Variants in SPAST observed in about 807,000 individuals in gnomAD.
SPAST encodes spastic paraplegia 4 (autosomal dominant; spastin).
In SPAST, 30 loss-of-function variants were observed where a neutral mutation model predicts 76.6. That is an observed-to-expected ratio of 0.39 (90% confidence interval 0.29 to 0.53). SPAST has a LOEUF of 0.53. Among genes scored for constraint, SPAST ranks in the 20% least tolerant of loss-of-function variants. The pLI is 0.68. For missense variants in SPAST, 717 were observed against 770.5 expected (o/e 0.93, Z 0.82); for synonymous variants, 305 against 281.0 (o/e 1.09, Z -0.86).
intron 3 of SPAST, among the ~76,000 whole-genome samples, chr2:32,093,818 AAT>A (rs138621199): frequency 3.6e-4 from 54 of 149,314 alleles, no homozygotes; most frequent in East Asian, 2.3e-3. Flanking sequence ...CTATCTTAAA[AAT>A]ATATATATAT....
chr2:32,064,242 G>C lies in SPAST; in HGVS notation c.411G>C (p.Glu137Asp). The C allele has an allele frequency of 1.5e-6, 2 of 1,334,852 alleles. No homozygotes were observed. Among genetic ancestry groups the C allele is most frequent in the Non-Finnish European group, 2.0e-6 (2 of 1,009,426 alleles). 82.7% of individuals were successfully genotyped at this position (1,334,852 alleles called of 1,614,324 possible). A position where few individuals can be genotyped will look rare whatever the true frequency, so the allele number is the denominator to read the frequency against. The change falls in exon 1 of 17, where the codon GAG becomes GAC. Residue 137 changes from glutamate (E) to aspartate (D), a missense_variant. Coordinates refer to ENST00000315285, the MANE Select transcript of SPAST (RefSeq NM_014946.4). ...TTGCCCTGCGCATCGATGAGGATGA[G>C]AAAGGTAACTAGGGGGCTGGGGGAG... is the stretch of plus-strand genomic sequence containing the variant. The part of the protein sequence containing the change: ...ISIALRIDED[E>D]KAGQKEQAVE...
At chr2:32,118,278 A>G (rs181165882) in intron 7 of SPAST, among the ~76,000 whole-genome samples, 3 of 152,170 alleles carry the variant, frequency 2.0e-5, no homozygotes, top group African/African-American at 4.8e-5. Context: ...TATCACTTGT[A>G]AGTGAGTACC....
chr2:32,109,113 T>G (rs1424918460), intron 4 of SPAST, among the ~76,000 whole-genome samples: 1 of 150,470 alleles, frequency 6.6e-6, no homozygotes, highest in Non-Finnish European at 1.5e-5. Context: ...CCTCAGTAAA[T>G]TTTTATTTAG....
intron 1 of SPAST, among the ~76,000 whole-genome samples, chr2:32,076,821 C>T (rs955658973): frequency 1.1e-4 from 17 of 152,112 alleles, no homozygotes; most frequent in African/African-American, 3.9e-4. Context: ...TTCAGACTCT[C>T]AAGCAGCTGG....
At chr2:32,153,531 G>C (rs927885390) in intron 16 of SPAST, among the ~76,000 whole-genome samples, 2 of 151,822 alleles carry the variant, frequency 1.3e-5, no homozygotes, top group South Asian at 4.2e-4. Flanking sequence ...GGCCAGGCTG[G>C]TCTCGAACTG....
intron 4 of SPAST, among the ~76,000 whole-genome samples, chr2:32,104,960 G>C (rs923131069): frequency 2.6e-5 from 4 of 152,106 alleles, no homozygotes; most frequent in African/African-American, 9.7e-5. Flanking sequence ...TAGTATCTTT[G>C]TGGCATTCTC....
intron 1 of SPAST, among the ~76,000 whole-genome samples, chr2:32,086,979 A>G (rs1215212494): frequency 2.0e-5 from 3 of 152,190 alleles, no homozygotes; most frequent in Non-Finnish European, 2.9e-5. Flanking sequence ...TGTTGGGTTC[A>G]AAGAAAATAG....
intron 2 of SPAST, among the ~76,000 whole-genome samples, chr2:32,088,380 C>T (rs900378697): frequency 1.3e-5 from 2 of 151,646 alleles, no homozygotes; most frequent in African/African-American, 2.4e-5. Flanking sequence ...CACAGTGGCT[C>T]ATGCCTGTAA....
At chr2:32,126,584 G>C (rs1223100167) in intron 7 of SPAST, 3 of 152,396 alleles carry the variant, frequency 2.0e-5, no homozygotes, top group African/African-American at 8.0e-5. Flanking sequence ...AAGCTCAAGT[G>C]ATCCTCCCAC....
intron 3 of SPAST, among the ~76,000 whole-genome samples, chr2:32,091,846 T>A (rs1345627691): frequency 2.0e-5 from 3 of 149,140 alleles, no homozygotes; most frequent in Non-Finnish European, 3.0e-5. Context: ...AAAAATAAAA[T>A]AAAATAAATA....
intron 3 of SPAST, among the ~76,000 whole-genome samples, chr2:32,096,090 T>G (rs772589037): frequency 3.3e-5 from 5 of 152,240 alleles, no homozygotes; most frequent in Non-Finnish European, 5.9e-5. Flanking sequence ...AAATCATTGA[T>G]TAATCTGTAC....
chr2:32,098,749 T>C lies in SPAST; in HGVS notation c.587-47T>C, dbSNP rs768305759. ...CACATTTTATTTGTTCATTATCTTT[T>C]TTCTTTTTGTTTATTTTTTCTGTTT... is the stretch of plus-strand genomic sequence containing the variant. On this transcript the variant is annotated intron_variant, in intron 3 of 16. Coordinates refer to ENST00000315285, the MANE Select transcript of SPAST (RefSeq NM_014946.4). 4.1e-6 allele frequency: 5 copies of C among 1,231,448 alleles called. No individual in the cohort carries two copies. In the African/African-American group the frequency reaches 5.9e-5, roughly 15 times the overall value. 76.3% of individuals were successfully genotyped at this position (1,231,448 alleles called of 1,614,324 possible).
chr2:32,140,943 GT>G (rs35964074), intron 12 of SPAST, among the ~76,000 whole-genome samples: 57,448 of 117,284 alleles, frequency 0.49, 11,881 homozygotes, highest in East Asian at 0.69. Flanking sequence ...TGTTGTTGTT[GT>G]TTTTTTTTTT....
At chr2:32,095,227 A>C (rs1447114228) in intron 3 of SPAST, among the ~76,000 whole-genome samples, 3 of 152,206 alleles carry the variant, frequency 2.0e-5, no homozygotes, top group Admixed American at 6.5e-5. Flanking sequence ...ATTGGATAAA[A>C]TGGTCCTCTC....
At chr2:32,136,236 A>G (rs1230987032) in intron 9 of SPAST, among the ~76,000 whole-genome samples, 2 of 152,168 alleles carry the variant, frequency 1.3e-5, no homozygotes, top group African/African-American at 2.4e-5. Flanking sequence ...GAATATGTAC[A>G]ATGTCTTTTT....
intron 2 of SPAST, 28 bp from the exon 3 acceptor site, chr2:32,089,494 G>A (rs61233956): frequency 9.4e-5 from 116 of 1,238,216 alleles, no homozygotes. Flanking sequence ...GGGAAATGTA[G>A]ATATTTTAAT....
At chr2:32,068,128 G>A (rs1242106211) in intron 1 of SPAST, among the ~76,000 whole-genome samples, 6 of 150,992 alleles carry the variant, frequency 4.0e-5, no homozygotes, top group African/African-American at 4.9e-5. Context: ...ACAGGCGCCC[G>A]CCACCATGCC....
intron 1 of SPAST, among the ~76,000 whole-genome samples, chr2:32,079,595 C>G (rs1337995387): frequency 1.4e-5 from 2 of 138,582 alleles, no homozygotes; most frequent in Admixed American, 7.4e-5. Flanking sequence ...GGGTCTTGCT[C>G]TGTCACCCAG....
chr2:32,073,111 A>G lies in SPAST; in HGVS notation c.415+8865A>G, dbSNP rs758959369. Among the ~76,000 whole-genome samples the G allele has an allele frequency of 5.3e-5, 8 of 152,244 alleles. No individual in the cohort carries two copies. The East Asian group carries it at 1.5e-3, about 29-fold the overall frequency. ...TGTTGTATTTTTCCTCATGTTGAATACAGTTAAACCCTATTAAACTGGATT... is the reference window on the plus strand; with the variant it reads ...TGTTGTATTTTTCCTCATGTTGAATGCAGTTAAACCCTATTAAACTGGATT... On this transcript the variant is annotated intron_variant, in intron 1 of 16. Coordinates refer to ENST00000315285, the MANE Select transcript of SPAST (RefSeq NM_014946.4).
Sources: allele counts gnomAD v4.1 joint callset (sites outside exome capture counted in the v4.1 genomes callset), GRCh38; gene constraint gnomAD v4.1.1; transcripts MANE v1.5; gene names NCBI Gene and HGNC (gene_info 2026-07-23, HGNC 2026-07-21).